PLXNA4: variants seen among roughly 807,000 people sequenced by gnomAD.
PLXNA4 encodes the protein plexin-A4.
PLXNA4 carries 44 observed loss-of-function variants against 191.8 expected under a neutral mutation model. The ratio of observed to expected loss-of-function variants is 0.23; its 90% confidence interval spans 0.18 to 0.29. PLXNA4 has a LOEUF of 0.29. PLXNA4 is among the 10% of genes least tolerant of loss of function. PLXNA4 has a pLI of 1.00. For missense variants in PLXNA4, 1,800 were observed against 2,488.8 expected, an observed-to-expected ratio of 0.72 and a Z score of 5.89; for synonymous variants, 1,082 against 1,009.5, an observed-to-expected ratio of 1.07 and a Z score of -1.36.
intron 2 of PLXNA4, among the ~76,000 whole-genome samples, chr7:132,503,269 A>C (rs2116203456): frequency 6.6e-6 from 1 of 152,196 alleles, no homozygotes; most frequent in Middle Eastern, 3.4e-3. Flanking sequence ...CTTGGTATCC[A>C]CCAGGAGGGA....
At chr7:132,619,774 G>T (rs1256031034) in intron 2 of PLXNA4, among the ~76,000 whole-genome samples, 1 of 152,218 alleles carries the variant, frequency 6.6e-6, no homozygotes, top group Non-Finnish European at 1.5e-5. Flanking sequence ...GAACTACTAG[G>T]TAACAGCAGG....
At chr7:132,140,860 C>T in intron 29 of PLXNA4, 49 bp from the exon 30 acceptor site, 1 of 1,605,848 alleles carries the variant, frequency 6.2e-7, no homozygotes. Context: ...GGCAGTGGGG[C>T]TGTGGTGTGG....
intron 4 of PLXNA4, among the ~76,000 whole-genome samples, chr7:132,291,118 C>T (rs920858612): frequency 1.3e-5 from 2 of 152,118 alleles, no homozygotes; most frequent in African/African-American, 4.8e-5. Flanking sequence ...CCCCCTTCTC[C>T]CCTCCTGGCA....
chr7:132,583,917 A>G (rs561649282), intron 2 of PLXNA4, among the ~76,000 whole-genome samples: 5 of 152,346 alleles, frequency 3.3e-5, no homozygotes, highest in African/African-American at 1.2e-4. Flanking sequence ...CAATCGTGCC[A>G]TATCTTCCCA....
chr7:132,383,914 T>G, intron 3 of PLXNA4: 1 of 985,474 alleles, frequency 1.0e-6, no homozygotes, highest in Non-Finnish European at 1.2e-6. Context: ...ATGGAACTCC[T>G]GGGACGTATT....
intron 3 of PLXNA4, among the ~76,000 whole-genome samples, chr7:132,311,193 T>TGCGC (rs1554411082): frequency 1.1e-5 from 1 of 89,828 alleles, no homozygotes; most frequent in Non-Finnish European, 2.5e-5. Context: ...TGTGTGTGTG[T>TGCGC]GCGCGTGTGG....
Position 132,484,975 on chromosome 7 carries a change from C to T in PLXNA4, c.1371+4317G>A, listed in dbSNP as rs769523894. ...GTGGGTCTCCCTCCACTCCAATCCACTCCTGGGTGATTCCCCCTTGTGGAC... is the reference window on the plus strand; with the variant it reads ...GTGGGTCTCCCTCCACTCCAATCCATTCCTGGGTGATTCCCCCTTGTGGAC... On this transcript the variant is annotated intron_variant, in intron 3 of 31. Transcript: ENST00000321063. 6.2e-7 allele frequency: 1 copy of T among 1,614,202 alleles called. No individual in the cohort carries two copies. Among genetic ancestry groups the T allele is most frequent in the Admixed American group, 1.7e-5 (1 of 60,020 alleles).
chr7:132,129,810 G>A lies in PLXNA4; in HGVS notation c.*669C>T, dbSNP rs1349200899. The A allele has an allele frequency of 6.5e-6, 1 of 152,772 alleles. No individual in the cohort carries two copies. The highest frequency in any genetic ancestry group is 1.5e-5 in the Non-Finnish European group (1 of 68,196). 9.5% of individuals were successfully genotyped at this position (152,772 alleles called of 1,614,324 possible). A position where few individuals can be genotyped will look rare whatever the true frequency, so the allele number is the denominator to read the frequency against. Reference sequence around the variant, plus strand: ...GCAGGCAGGTCCCTCTGGAGACCTGGAAAAGGACAGGAAGCCTCTGGACAC... The same window carrying A: ...GCAGGCAGGTCCCTCTGGAGACCTGAAAAAGGACAGGAAGCCTCTGGACAC... On this transcript the variant is annotated 3_prime_UTR_variant, in exon 32 of 32. Transcript: ENST00000321063.
In PLXNA4 at chr7:132,202,548, TG is replaced by T. The variant is rs1797473553; in HGVS notation, c.2586+97del. The T allele has an allele frequency of 3.1e-6, 4 of 1,294,202 alleles. No individual in the cohort carries two copies. The African/African-American group carries it at 6.1e-5, about 20-fold the overall frequency. 80.2% of individuals were successfully genotyped at this position (1,294,202 alleles called of 1,614,324 possible). Reference sequence around the variant, plus strand: ...GCAACCAAGTCCACCCAGTGACTACTGGGTGACCGACACCACGGCTGGGCAG... The same window carrying T: ...GCAACCAAGTCCACCCAGTGACTACTGGTGACCGACACCACGGCTGGGCAG... On this transcript the variant is annotated intron_variant, in intron 12 of 31. Transcript: ENST00000321063.
intron 2 of PLXNA4, among the ~76,000 whole-genome samples, chr7:132,500,495 G>C (rs944538363): frequency 1.3e-5 from 2 of 151,802 alleles, no homozygotes; most frequent in Non-Finnish European, 2.9e-5. Flanking sequence ...AAGGGGAAGG[G>C]GAAATAATAA....
Position 132,268,784 on chromosome 7 carries a change from A to G in PLXNA4, c.1504-27618T>C, listed in dbSNP as rs571954114. On this transcript the variant is annotated intron_variant, in intron 4 of 31. Transcript: ENST00000321063. The stretch of plus-strand genomic sequence containing the variant: ...ATAGCATCTGTTGCTTCCTCAGTTG[A>G]CCAAGGAATGTTTGTGGCATGTCAA... 5.9e-5 allele frequency among the ~76,000 whole-genome samples: 9 copies of G among 152,236 alleles called. No homozygotes were observed. In the South Asian group the frequency reaches 1.9e-3, roughly 32 times the overall value.
At chr7:132,359,591 C>G (rs2116845062) in intron 3 of PLXNA4, among the ~76,000 whole-genome samples, 1 of 152,212 alleles carries the variant, frequency 6.6e-6, no homozygotes, top group Non-Finnish European at 1.5e-5. Context: ...TACATGTAAA[C>G]ATATTTTGTA....
chr7:132,577,467 G>A (rs1464663668), upstream of PLXNA4, among the ~76,000 whole-genome samples: 1 of 148,856 alleles, frequency 6.7e-6, no homozygotes, highest in African/African-American at 2.5e-5. Context: ...CTCCCTCTCT[G>A]GCTCGCTCTC....
At chr7:132,147,583 G>T (rs1795473229) in intron 27 of PLXNA4, among the ~76,000 whole-genome samples, 2 of 152,158 alleles carry the variant, frequency 1.3e-5, no homozygotes, top group African/African-American at 4.8e-5. Flanking sequence ...CTGCATAATA[G>T]GGGGAAATAA....
At chr7:132,447,300 A>G (rs1302623225) in intron 3 of PLXNA4, among the ~76,000 whole-genome samples, 9 of 152,132 alleles carry the variant, frequency 5.9e-5, no homozygotes, top group Admixed American at 1.3e-4. Flanking sequence ...CTCTGTCCCC[A>G]TTAACCGATT....
chr7:132,460,404 C>G (rs1796465184), intron 3 of PLXNA4, among the ~76,000 whole-genome samples: 1 of 151,900 alleles, frequency 6.6e-6, no homozygotes, highest in African/African-American at 2.4e-5. Flanking sequence ...TGTAATTTCT[C>G]TAAATATTTT....
intron 22 of PLXNA4, among the ~76,000 whole-genome samples, chr7:132,165,718 G>GAAAAAAA (rs3085196): frequency 1.3e-5 from 2 of 149,334 alleles, no homozygotes; most frequent in Non-Finnish European, 3.0e-5. Flanking sequence ...TCTTTTGGGT[G>GAAAAAAA]AAAAAAAAAA....
chr7:132,592,840 CT>C (rs71272892), intron 2 of PLXNA4, among the ~76,000 whole-genome samples: 99 of 149,374 alleles, frequency 6.6e-4, no homozygotes, highest in Non-Finnish European at 9.3e-4. Flanking sequence ...CCCTACGTGC[CT>C]TTTTTTTTCC....
In PLXNA4 at chr7:132,348,572, T is replaced by C. The variant is rs1339375925; in HGVS notation, c.1372-50350A>G. Among the ~76,000 whole-genome samples the C allele has an allele frequency of 3.9e-5, 6 of 152,330 alleles. No individual in the cohort carries two copies. The East Asian group carries it at 9.7e-4, about 25-fold the overall frequency. On this transcript the variant is annotated intron_variant, in intron 3 of 31. Transcript: ENST00000321063. ...GGTCAATGGAGAGGTTGTTCCCAGC[T>C]GCAAGCACATGGCCCTGAGGCTCTG...
Sources: allele counts gnomAD v4.1 joint callset (sites outside exome capture counted in the v4.1 genomes callset), GRCh38; gene constraint gnomAD v4.1.1; transcripts MANE v1.5; gene names NCBI Gene and HGNC (gene_info 2026-07-23, HGNC 2026-07-21).